The following CASP8 variants were observed in gnomAD, a reference collection of about 807,000 sequenced individuals.
CASP8 encodes the protein caspase 8, also known as caspase-8.
CASP8 carries 24 observed loss-of-function variants against 46.3 expected under a neutral mutation model. That is an observed-to-expected ratio of 0.52 (90% CI 0.38 to 0.73). CASP8 has a LOEUF of 0.73. Among genes scored for constraint, CASP8 ranks in the 30% least tolerant of loss-of-function variants. The pLI is 0.00. For missense variants in CASP8, 460 were observed against 559.0 expected (o/e 0.82, Z 1.79); for synonymous variants, 188 against 200.4 (o/e 0.94, Z 0.52).
At chr2:201,285,638 C>A (rs1949523512) in intron 8 of CASP8, among the ~76,000 whole-genome samples, 1 of 152,140 alleles carries the variant, frequency 6.6e-6, no homozygotes, top group Non-Finnish European at 1.5e-5. Flanking sequence ...TATCACAGAG[C>A]AGGAAAGGAT....
At chr2:201,250,392 A>G (rs1324132903) in intron 2 of CASP8, among the ~76,000 whole-genome samples, 5 of 152,234 alleles carry the variant, frequency 3.3e-5, no homozygotes, top group African/African-American at 1.2e-4. Flanking sequence ...TAATTGGCTC[A>G]TGGTTCCACA....
At chr2:201,241,884 A>G (rs931531865) in intron 2 of CASP8, 4 of 152,232 alleles carry the variant, frequency 2.6e-5, no homozygotes, top group Non-Finnish European at 5.9e-5. Context: ...CTAGGATACA[A>G]GTATGGATCA....
intron 2 of CASP8, chr2:201,269,451 C>T (rs1297975322): frequency 1.7e-6 from 2 of 1,206,458 alleles, no homozygotes; most frequent in Admixed American, 1.9e-5. Context: ...CCCACAGCCC[C>T]AGAACAAGGA....
Position 201,272,668 on chromosome 2 carries a change from A to G in CASP8, c.442A>G (p.Lys148Glu). 5 of 1,614,090 alleles carry G rather than the reference A, an allele frequency of 3.1e-6. No individual in the cohort carries two copies. Among genetic ancestry groups the G allele is most frequent in the Non-Finnish European group, 4.2e-6 (5 of 1,179,978 alleles). The change falls in exon 4 of 9, where the codon AAG becomes GAG. Residue 148 changes from lysine (K) to glutamate (E), a missense_variant. Coordinates refer to ENST00000673742, the MANE Select transcript of CASP8 (RefSeq NM_001372051.1). This position sits in a 1 kb window ranked among gnomAD's most constrained non-coding sequence, Gnocchi z 4.4. ...GCTGGATATTTTCATAGAGATGGAG[A>G]AGAGGGTCATCCTGGGAGAAGGAAA... The part of the protein sequence containing the change: ...NLLDIFIEME[K>E]RVILGEGKLD...
rs1947796301 is a variant in CASP8, at chr2:201,266,006, G to A, written c.-26-455G>A. 1.3e-5 allele frequency among the ~76,000 whole-genome samples: 2 copies of A among 148,218 alleles called. No homozygotes were observed. Among genetic ancestry groups the A allele is most frequent in the African/African-American group, 2.5e-5 (1 of 39,942 alleles). ...GTTTTTTTTTTTTTTGTGAGACGGA[G>A]TCTTGCCCTGTCACCCAGGCTGGAG... On this transcript the variant is annotated intron_variant, in intron 1 of 8. Transcript: ENST00000673742. The surrounding 1 kb of genome is among the most constrained non-coding windows in gnomAD (Gnocchi z 5.7).
intron 8 of CASP8, among the ~76,000 whole-genome samples, chr2:201,286,089 T>C (rs949156230): frequency 1.3e-5 from 2 of 152,210 alleles, no homozygotes; most frequent in Non-Finnish European, 2.9e-5. Flanking sequence ...GCATCAAAGA[T>C]GAATCCGCAG....
upstream of CASP8, among the ~76,000 whole-genome samples, chr2:201,256,348 T>G (rs1947016989): frequency 6.6e-6 from 1 of 152,204 alleles, no homozygotes; most frequent in African/African-American, 2.4e-5. Flanking sequence ...AGTGTCCTCA[T>G]CCATAAAATG....
chr2:201,240,987 A>G (rs1188776417), intron 2 of CASP8: 1 of 152,242 alleles, frequency 6.6e-6, no homozygotes, highest in African/African-American at 2.4e-5. Context: ...AATGAAAAGA[A>G]AAGCACAACA....
Position 201,263,049 on chromosome 2 carries a change from A to C in CASP8, c.-27+2436A>C, listed in dbSNP as rs374021498. ...TAAAAAGCATTGTCACGTTGTTGAAAAGGTAATGAAATGAGTGAGATGAGA... is the reference window on the plus strand; with the variant it reads ...TAAAAAGCATTGTCACGTTGTTGAACAGGTAATGAAATGAGTGAGATGAGA... On this transcript the variant is annotated intron_variant, in intron 1 of 8. Coordinates refer to ENST00000673742, the MANE Select transcript of CASP8 (RefSeq NM_001372051.1). 2.0e-4 allele frequency among the ~76,000 whole-genome samples: 31 copies of C among 152,310 alleles called. 1 individual carries two copies. The highest frequency in any genetic ancestry group is 7.2e-4 in the African/African-American group (30 of 41,562).
At chr2:201,265,984 T>G (rs1279658110) in intron 1 of CASP8, among the ~76,000 whole-genome samples, 28 of 149,576 alleles carry the variant, frequency 1.9e-4, no homozygotes, top group South Asian at 8.4e-4. Context: ...TTTTTGTGTT[T>G]TTTTTTTTTT....
chr2:201,276,829 T>G lies in CASP8; in HGVS notation c.663T>G (p.Thr221=), dbSNP rs2125318525. Residue 221 remains threonine (T), a splice_region_variant and synonymous_variant, in exon 7 of 9, where the codon ACT becomes ACG. Transcript: ENST00000673742. Reference sequence around the variant, plus strand: ...TGGGTTGGGTTTTTGTTTTCCAGACTTTGGACAAAGTTTACCAAATGAAAA... The same window carrying G: ...TGGGTTGGGTTTTTGTTTTCCAGACGTTGGACAAAGTTTACCAAATGAAAA... ...SPREQDSESQ[T]LDKVYQMKSK... The G allele has an allele frequency of 1.2e-6, 2 of 1,614,098 alleles. No homozygotes were observed. The highest frequency in any genetic ancestry group is 1.7e-6 in the Non-Finnish European group (2 of 1,179,966).
At chr2:201,249,569 GT>G (rs1946684776) in intron 2 of CASP8, among the ~76,000 whole-genome samples, 1 of 152,280 alleles carries the variant, frequency 6.6e-6, no homozygotes, top group African/African-American at 2.4e-5. Context: ...CAATCGGGTT[GT>G]TTTCTTATTG....
intron 7 of CASP8, among the ~76,000 whole-genome samples, chr2:201,278,547 T>C (rs907335863): frequency 6.6e-6 from 1 of 152,048 alleles, no homozygotes; most frequent in Admixed American, 6.5e-5. Context: ...TTTCTTTTTT[T>C]TTTTTTTGAG....
intron 2 of CASP8, among the ~76,000 whole-genome samples, chr2:201,246,981 G>T (rs1364496054): frequency 6.6e-6 from 1 of 152,018 alleles, no homozygotes; most frequent in African/African-American, 2.4e-5. Context: ...TGGATCACGA[G>T]ATCAGGAGTT....
chr2:201,251,951 T>C (rs995215165), intron 2 of CASP8, among the ~76,000 whole-genome samples: 2 of 151,876 alleles, frequency 1.3e-5, no homozygotes, highest in Admixed American at 1.3e-4. Flanking sequence ...TCTTCCAAAG[T>C]GTCCGTATGA....
At position 201,266,002 on chromosome 2, in the gene CASP8, C is replaced by T. The variant is rs1420813448; in HGVS notation, c.-26-459C>T. Among the ~76,000 whole-genome samples, 3 of 146,124 alleles carry T rather than the reference C, an allele frequency of 2.1e-5. No individual in the cohort carries two copies. Among genetic ancestry groups the T allele is most frequent in the Non-Finnish European group, 4.5e-5 (3 of 66,888 alleles). Reference sequence around the variant, plus strand: ...TTGTGTTTTTTTTTTTTTTGTGAGACGGAGTCTTGCCCTGTCACCCAGGCT... The same window carrying T: ...TTGTGTTTTTTTTTTTTTTGTGAGATGGAGTCTTGCCCTGTCACCCAGGCT... On this transcript the variant is annotated intron_variant, in intron 1 of 8. Coordinates refer to ENST00000673742, the MANE Select transcript of CASP8 (RefSeq NM_001372051.1). This position sits in a 1 kb window ranked among gnomAD's most constrained non-coding sequence, Gnocchi z 5.7.
chr2:201,258,470 G>T, upstream of CASP8: 1 of 1,520,744 alleles, frequency 6.6e-7, no homozygotes, highest in Non-Finnish European at 9.1e-7. Context: ...GGCTGTGGGG[G>T]TGGGGAAGCA....
Position 201,286,836 on chromosome 2 carries a change from G to A in CASP8, c.*242G>A, listed in dbSNP as rs1949587188. ...GGGTTTCACTGTGTTAGCCAGGGTG[G>A]TCTTGATCTCCTGACCTCGTGATCC... On this transcript the variant is annotated 3_prime_UTR_variant, in exon 9 of 9. Transcript: ENST00000673742. The A allele has an allele frequency of 2.4e-6, 1 of 414,646 alleles. No homozygotes were observed. Among genetic ancestry groups the A allele is most frequent in the Non-Finnish European group, 4.6e-6 (1 of 219,676 alleles). 25.7% of individuals were successfully genotyped at this position (414,646 alleles called of 1,614,324 possible).
In CASP8 at chr2:201,284,826, C is replaced by G; in HGVS notation, c.813C>G (p.Thr271=). 1 of 1,613,146 alleles carries G rather than the reference C, an allele frequency of 6.2e-7. No homozygotes were observed. The highest frequency in any genetic ancestry group is 8.5e-7 in the Non-Finnish European group (1 of 1,179,862). The change falls in exon 8 of 9, where the codon ACC becomes ACG. Residue 271 remains threonine (T), a synonymous_variant. Coordinates refer to ENST00000673742, the MANE Select transcript of CASP8 (RefSeq NM_001372051.1). ...NGTHLDAGAL[T]TTFEELHFEI... ...AATTTCACTTTTCAGGGGCTTTGAC[C>G]ACGACCTTTGAAGAGCTTCATTTTG...
Sources: gnomAD v4.1 joint callset for allele counts (sites outside exome capture counted in the v4.1 genomes callset) on GRCh38, gnomAD v4.1.1 for gene constraint, Gnocchi (gnomAD v3.1) non-coding constraint, MANE v1.5 for transcripts, NCBI Gene and HGNC (gene_info 2026-07-23, HGNC 2026-07-21) for gene names.